ROBO2: variants seen among roughly 807,000 people sequenced by gnomAD.
The protein encoded by ROBO2 is roundabout guidance receptor 2.
Under a neutral mutation model 160.8 loss-of-function variants are expected in ROBO2, and 53 were observed. The ratio of observed to expected loss-of-function variants is 0.33; its 90% CI spans 0.26 to 0.41. The LOEUF is 0.41. Among genes scored for constraint, ROBO2 ranks in the 10% least tolerant of loss-of-function variants. ROBO2 has a pLI of 1.00. For synonymous variants in ROBO2, 664 were observed against 611.7 expected, an observed-to-expected ratio of 1.09 and a Z score of -1.26; for missense variants, 1,577 against 1,722.4, an observed-to-expected ratio of 0.92 and a Z score of 1.49.
intron 2 of ROBO2, among the ~76,000 whole-genome samples, chr3:76,456,880 A>C (rs575086380): frequency 6.6e-6 from 1 of 152,278 alleles, no homozygotes; most frequent in East Asian, 1.9e-4. Context: ...CAAAGGCAGA[A>C]ACCCGTGATA....
chr3:77,087,813 G>T (rs2069542167), intron 1 of ROBO2, among the ~76,000 whole-genome samples: 1 of 151,524 alleles, frequency 6.6e-6, no homozygotes, highest in Admixed American at 6.6e-5. Context: ...GGAGTCATAG[G>T]AATGTTGTAT....
chr3:76,640,831 C>CA (rs527370644), intron 2 of ROBO2, among the ~76,000 whole-genome samples: 1 of 150,962 alleles, frequency 6.6e-6, no homozygotes, highest in Non-Finnish European at 1.5e-5. Flanking sequence ...AGGACGTTCT[C>CA]AAAAAAAAGA....
chr3:76,323,702 A>G (rs2072768914), intron 2 of ROBO2, among the ~76,000 whole-genome samples: 2 of 152,240 alleles, frequency 1.3e-5, no homozygotes, highest in African/African-American at 2.4e-5. Context: ...AAAAGTTTCA[A>G]GCTGTTTCAT....
At chr3:77,037,343 A>T (rs1180780286), upstream of ROBO2, among the ~76,000 whole-genome samples, 1 of 152,208 alleles carries the variant, frequency 6.6e-6, no homozygotes, top group Non-Finnish European at 1.5e-5. Flanking sequence ...TCCATAAGGT[A>T]GCTAGTGTAT....
intron 2 of ROBO2, among the ~76,000 whole-genome samples, chr3:76,692,909 AGTGT>A (rs1303457040): frequency 6.6e-6 from 1 of 151,390 alleles, no homozygotes; most frequent in African/African-American, 2.4e-5. Context: ...CTATATATAT[AGTGT>A]GTGTGTATCT....
intron 2 of ROBO2, among the ~76,000 whole-genome samples, chr3:76,421,946 C>T (rs1577082959): frequency 6.6e-6 from 1 of 152,228 alleles, no homozygotes; most frequent in Middle Eastern, 3.4e-3. Context: ...CAGTTGTTTA[C>T]ATTCCTATAC....
At chr3:77,081,057 G>T (rs754410331) in intron 1 of ROBO2, among the ~76,000 whole-genome samples, 1 of 152,034 alleles carries the variant, frequency 6.6e-6, no homozygotes, top group Non-Finnish European at 1.5e-5. Context: ...TTATACTCAC[G>T]TGCATGTTTG....
intron 2 of ROBO2, among the ~76,000 whole-genome samples, chr3:76,607,628 A>C (rs1293788821): frequency 6.6e-6 from 1 of 152,196 alleles, no homozygotes; most frequent in Non-Finnish European, 1.5e-5. Context: ...CACTTTGCAC[A>C]TTCAGTAAAT....
At chr3:76,582,371 A>C (rs544104847) in intron 2 of ROBO2, among the ~76,000 whole-genome samples, 14 of 152,310 alleles carry the variant, frequency 9.2e-5, no homozygotes, top group Non-Finnish European at 1.8e-4. Context: ...AAACTCTACC[A>C]GGTTACACAG....
chr3:76,267,956 C>A (rs1324710299), intron 2 of ROBO2, among the ~76,000 whole-genome samples: 1 of 152,132 alleles, frequency 6.6e-6, no homozygotes, highest in African/African-American at 2.4e-5. Context: ...TCAGACCGTT[C>A]TGAGAATTCA....
chr3:77,116,171 A>G (rs1209235773), intron 2 of ROBO2, among the ~76,000 whole-genome samples: 1 of 152,196 alleles, frequency 6.6e-6, no homozygotes, highest in Non-Finnish European at 1.5e-5. Flanking sequence ...TAGTGCGTCT[A>G]ATCTCCTCAG....
chr3:76,841,030 T>G (rs971420003), intron 2 of ROBO2, among the ~76,000 whole-genome samples: 7 of 152,116 alleles, frequency 4.6e-5, no homozygotes, highest in Admixed American at 3.9e-4. Context: ...TACTGTAGAT[T>G]TCCACAGTAG....
rs566698752 is a variant in ROBO2, at chr3:76,754,357, G to C, written c.110-343657G>C. On this transcript the variant is annotated intron_variant, in intron 2 of 26. Coordinates refer to the ROBO2 transcript ENST00000487694. ...TATCTGGACAGAAGCCTCGTTATCT[G>C]TCAAAGGTTAACTGCACCGTATACA... Among the ~76,000 whole-genome samples, 6 of 152,008 alleles carry C rather than the reference G, an allele frequency of 3.9e-5. No individual in the cohort carries two copies. The South Asian group carries it at 1.2e-3, about 32-fold the overall frequency.
chr3:76,751,251 A>G (rs1014789603), intron 2 of ROBO2, among the ~76,000 whole-genome samples: 1 of 152,142 alleles, frequency 6.6e-6, no homozygotes, highest in Non-Finnish European at 1.5e-5. Context: ...ATATGTAGAA[A>G]GCTGAAACCT....
At chr3:76,943,526 C>T (rs1011556758) in intron 2 of ROBO2, among the ~76,000 whole-genome samples, 1 of 152,114 alleles carries the variant, frequency 6.6e-6, no homozygotes, top group Non-Finnish European at 1.5e-5. Context: ...TTGGAAAGAA[C>T]CACTTAATAC....
chr3:76,778,042 G>A (rs1239130973), intron 2 of ROBO2, among the ~76,000 whole-genome samples: 2 of 151,002 alleles, frequency 1.3e-5, no homozygotes, highest in African/African-American at 4.8e-5. Flanking sequence ...ACCCAGGCAG[G>A]CTTAAGATAT....
At chr3:77,456,061 C>G (rs1477228089) in intron 2 of ROBO2, among the ~76,000 whole-genome samples, 1 of 152,140 alleles carries the variant, frequency 6.6e-6, no homozygotes, top group Non-Finnish European at 1.5e-5. Context: ...TGTCAGTGCT[C>G]ATATGTAACC....
At chr3:76,312,522 T>G (rs2071664611) in intron 2 of ROBO2, among the ~76,000 whole-genome samples, 1 of 152,214 alleles carries the variant, frequency 6.6e-6, no homozygotes, top group Admixed American at 6.5e-5. Context: ...CTTAGATGGT[T>G]GGTGCAGATC....
At chr3:76,686,173 T>C (rs2092681596) in intron 2 of ROBO2, among the ~76,000 whole-genome samples, 1 of 152,104 alleles carries the variant, frequency 6.6e-6, no homozygotes, top group Admixed American at 6.6e-5. Context: ...GGTTTTCTGT[T>C]AGTTTTCTGG....
Sources: gnomAD v4.1 joint callset for allele counts (sites outside exome capture counted in the v4.1 genomes callset) on GRCh38, gnomAD v4.1.1 for gene constraint, MANE v1.5 for transcripts, NCBI Gene and HGNC (gene_info 2026-07-23, HGNC 2026-07-21) for gene names.